CCDC180: variants seen among roughly 807,000 people sequenced by gnomAD.
The protein encoded by CCDC180 is coiled-coil domain-containing protein 180.
In CCDC180, 154 loss-of-function variants were observed where a neutral mutation model predicts 209.2. That is an observed-to-expected ratio of 0.74 (90% CI 0.65 to 0.84). The LOEUF is 0.84. Among genes scored for constraint, CCDC180 ranks in the 40% least tolerant of loss-of-function variants. The pLI is 0.00. For missense variants in CCDC180, 1,874 were observed against 1,997.3 expected (o/e 0.94, Z 1.18); for synonymous variants, 778 against 749.1 (o/e 1.04, Z -0.63).
intron 25 of CCDC180, chr9:97,358,153 A>C: frequency 3.2e-5 from 4 of 124,746 alleles, no homozygotes; most frequent in Admixed American, 1.1e-4. Context: ...ACGAAGTCTC[A>C]CTCTGTCACC....
chr9:97,362,547 A>G (rs1259207887), intron 28 of CCDC180, 106 bp downstream of exon 28: 1 of 1,485,184 alleles, frequency 6.7e-7, no homozygotes, highest in African/African-American at 1.4e-5. Context: ...AGGCACCACA[A>G]TGCTCATGGC....
intron 15 of CCDC180, 65 bp from the exon 16 acceptor site, chr9:97,327,955 A>C (rs1833589107): frequency 6.4e-7 from 1 of 1,551,274 alleles, no homozygotes; most frequent in Admixed American, 1.9e-5. Flanking sequence ...ATTGCAGCCC[A>C]TCTCCTTGGG....
rs967816860 is a variant in CCDC180, at chr9:97,377,435, A to G, written c.*541A>G. The G allele has an allele frequency of 6.6e-6, 1 of 152,244 alleles. No individual in the cohort carries two copies. The highest frequency in any genetic ancestry group is 2.4e-5 in the African/African-American group (1 of 41,356). 9.4% of individuals were successfully genotyped at this position (152,244 alleles called of 1,614,324 possible). Reference sequence around the variant, plus strand: ...CCTTTAGTCCTGTGTTGCCCAGATCATTCTCTTGGAGTCCTCCAGCCTGCC... The same window carrying G: ...CCTTTAGTCCTGTGTTGCCCAGATCGTTCTCTTGGAGTCCTCCAGCCTGCC... On this transcript the variant is annotated 3_prime_UTR_variant, in exon 37 of 37. Transcript: ENST00000529487.
At position 97,347,487 on chromosome 9, in the gene CCDC180, C is replaced by T; in HGVS notation, c.2672C>T (p.Ala891Val). 6.5e-7 allele frequency: 1 copy of T among 1,535,816 alleles called. No individual in the cohort carries two copies. The highest frequency in any genetic ancestry group is 1.2e-5 in the South Asian group (1 of 84,020). The change falls in exon 20 of 37, where the codon GCA becomes GTA. Residue 891 changes from alanine (A) to valine (V), a missense_variant and splice_region_variant. Ala to Val is a moderately conservative substitution (Grantham distance 64). Coordinates refer to ENST00000529487, the MANE Select transcript of CCDC180 (RefSeq NM_020893.6). ...GAAAAAGACATCCACAACGTCAGGG[C>T]AGGTACAGATGCTGCCTGGGAATGT... The part of the protein sequence containing the change: ...QIEKDIHNVR[A>V]AELLLHQEQL...
intron 20 of CCDC180, 58 bp from the exon 21 acceptor site, chr9:97,349,053 G>C (rs573201360): frequency 4.4e-5 from 65 of 1,470,590 alleles, no homozygotes; most frequent in Non-Finnish European, 5.4e-5. Context: ...TTCCAGGAAA[G>C]CAATGTGCTG....
rs747867657 is a variant in CCDC180 at position 97,328,077 on chromosome 9, G to A, written c.1719G>A (p.Met573Ile). 1.2e-6 allele frequency: 2 copies of A among 1,614,028 alleles called. No individual in the cohort carries two copies. Among genetic ancestry groups the A allele is most frequent in the South Asian group, 2.2e-5 (2 of 91,066 alleles). Residue 573 changes from methionine to isoleucine, a missense_variant, in exon 16 of 37, where the codon ATG becomes ATA. By Grantham distance (10) the Met-to-Ile change is conservative. Transcript: ENST00000529487. ...AAGTGATGGAGTACCCAGCGATCATGCTGAAAGAACTCAACTCCTACAGCT... is the reference window on the plus strand; with the variant it reads ...AAGTGATGGAGTACCCAGCGATCATACTGAAAGAACTCAACTCCTACAGCT... ...TKEVMEYPAIMLKELNSYSSA... is the reference protein window; with the variant it reads ...TKEVMEYPAIILKELNSYSSA...
rs765387853 is a variant in CCDC180, at chr9:97,330,693, GAGGAGGAGAAGCTGGAGGAAGAGA to G, written c.2212_2235del (p.Leu738_Lys745del). On this transcript the variant is annotated inframe_deletion, in exon 18 of 37. Coordinates refer to ENST00000529487, the MANE Select transcript of CCDC180 (RefSeq NM_020893.6). ...GGAAGATGAGAAGGAGGAAGAGGAG[GAGGAGGAGAAGCTGGAGGAAGAGA>G]AGGAGGAGAAGGAGGCACAGGAAGA... 6.2e-7 allele frequency: 1 copy of G among 1,609,854 alleles called. No individual in the cohort carries two copies. Among genetic ancestry groups the G allele is most frequent in the South Asian group, 1.1e-5 (1 of 90,992 alleles).
chr9:97,319,688 T>C (rs955642582), intron 10 of CCDC180, among the ~76,000 whole-genome samples: 2 of 152,246 alleles, frequency 1.3e-5, no homozygotes, highest in Admixed American at 6.5e-5. Context: ...CTATTTTTAA[T>C]GACTTCAGAA....
intron 31 of CCDC180, among the ~76,000 whole-genome samples, chr9:97,368,270 A>G (rs12238604): frequency 0.11 from 17,085 of 152,306 alleles, 2,754 homozygotes; most frequent in African/African-American, 0.35. Flanking sequence ...ACTCTGAGTG[A>G]TAAATTGAGT....
intron 28 of CCDC180, 35 bp from the exon 29 acceptor site, chr9:97,364,015 CA>C (rs1162114203): frequency 7.5e-6 from 12 of 1,603,430 alleles, no homozygotes; most frequent in Non-Finnish European, 8.5e-6. Flanking sequence ...CGTCTGTCCA[CA>C]GCCTCCAGAC....
At chr9:97,336,781 C>A (rs1394457584) in intron 18 of CCDC180, among the ~76,000 whole-genome samples, 1 of 152,180 alleles carries the variant, frequency 6.6e-6, no homozygotes, top group African/African-American at 2.4e-5. Flanking sequence ...GATATTGATT[C>A]TTCCTATCCA....
At chr9:97,347,513 C>T in intron 20 of CCDC180, 24 bp downstream of exon 20, 3 of 1,530,086 alleles carry the variant, frequency 2.0e-6, no homozygotes, top group Non-Finnish European at 2.6e-6. Context: ...CTGGGAATGT[C>T]TGCCCTGCCC....
intron 18 of CCDC180, among the ~76,000 whole-genome samples, chr9:97,331,566 GT>G (rs1001440764): frequency 6.6e-6 from 1 of 152,116 alleles, no homozygotes; most frequent in Non-Finnish European, 1.5e-5. Context: ...AGCATCTGTT[GT>G]TTTTTGACTT....
rs1399478142 is a variant in CCDC180, at chr9:97,326,638, G to T, written c.1630G>T (p.Val544Phe). 1 of 1,612,874 alleles carries T rather than the reference G, an allele frequency of 6.2e-7. No individual in the cohort carries two copies. The highest frequency in any genetic ancestry group is 1.3e-5 in the African/African-American group (1 of 74,998). ...AACACTGGCGTTTCACCTGGAAAAG[G>T]TCAAAGATTATCTGAAGAACATGAA... is the stretch of plus-strand genomic sequence containing the variant. ...KETLAFHLEK[V>F]KDYLKNMKSR... The change falls in exon 15 of 37, where the codon GTC becomes TTC. Residue 544 changes from valine (V) to phenylalanine (F), a missense_variant. Transcript: ENST00000529487.
chr9:97,374,484 A>G, intron 34 of CCDC180, 59 bp from the exon 35 acceptor site: 2 of 1,332,820 alleles, frequency 1.5e-6, no homozygotes, highest in Non-Finnish European at 2.1e-6. Flanking sequence ...GCCAGGGGAA[A>G]TCCCTCGATC....
intron 5 of CCDC180, among the ~76,000 whole-genome samples, chr9:97,313,894 C>T (rs1833070167): frequency 6.6e-6 from 1 of 152,212 alleles, no homozygotes; most frequent in East Asian, 1.9e-4. Context: ...CCCCTTCTCC[C>T]TGAGTCTTTT....
chr9:97,362,297 GGGCTGGT>G lies in CCDC180; in HGVS notation c.3761_3767del (p.Ala1254ValfsTer79). 6.2e-7 allele frequency: 1 copy of G among 1,614,140 alleles called. No homozygotes were observed. On this transcript the variant is annotated frameshift_variant, in exon 28 of 37. Transcript: ENST00000529487. LOFTEE classifies it high-confidence loss of function. ...GGGTCTCGGGGCAGCAGTGAGGCAGGGGCTGGTGGTGCTGTGTGCTCACCTCCTGTCC... is the reference window on the plus strand; with the variant it reads ...GGGTCTCGGGGCAGCAGTGAGGCAGGGGTGCTGTGTGCTCACCTCCTGTCC...
intron 18 of CCDC180, among the ~76,000 whole-genome samples, chr9:97,334,714 A>G (rs1339625007): frequency 6.6e-6 from 1 of 152,214 alleles, no homozygotes; most frequent in Non-Finnish European, 1.5e-5. Context: ...AGAAAATTAT[A>G]GTTTACATTA....
chr9:97,321,058 A>G (rs1287609223), intron 11 of CCDC180, among the ~76,000 whole-genome samples: 2 of 152,212 alleles, frequency 1.3e-5, no homozygotes, highest in Admixed American at 6.5e-5. Context: ...TGCAGCTCCC[A>G]GTCAGCCCCC....
Sources: gnomAD v4.1 joint callset for allele counts (sites outside exome capture counted in the v4.1 genomes callset) on GRCh38, gnomAD v4.1.1 for gene constraint, MANE v1.5 for transcripts, NCBI Gene and HGNC (gene_info 2026-07-23, HGNC 2026-07-21) for gene names.